Variants in PTN observed in about 807,000 individuals in gnomAD.
The protein encoded by PTN is pleiotrophin, also known as heparin affin regulatory protein.
Under a neutral mutation model 24.1 loss-of-function variants are expected in PTN, and 18 were observed. The ratio of observed to expected loss-of-function variants is 0.75; its 90% CI spans 0.52 to 1.11. The LOEUF (loss-of-function observed/expected upper bound fraction) is 1.11, where lower values mean the gene tolerates loss of function less well. PTN is among the 50% of genes least tolerant of loss of function. The pLI, the probability that PTN is intolerant of heterozygous loss-of-function variation, is 0.00. For missense variants in PTN, 163 were observed against 198.8 expected (o/e 0.82, Z 1.08); for synonymous variants, 78 against 68.6 (o/e 1.14, Z -0.67).
intron 1 of PTN, among the ~76,000 whole-genome samples, chr7:137,293,778 G>A (rs969302110): frequency 6.6e-6 from 1 of 151,904 alleles, no homozygotes. Context: ...AACTTTCGTT[G>A]ACATGTCATC....
chr7:137,272,248 C>T (rs889204687), intron 1 of PTN, among the ~76,000 whole-genome samples: 2 of 152,200 alleles, frequency 1.3e-5, no homozygotes, highest in African/African-American at 4.8e-5. Context: ...AGGCACCTTT[C>T]AGTCTGTCTT....
At chr7:137,305,377 C>T (rs912090653) in intron 1 of PTN, among the ~76,000 whole-genome samples, 6 of 152,038 alleles carry the variant, frequency 3.9e-5, no homozygotes, top group Non-Finnish European at 8.8e-5. Context: ...CCACCATATG[C>T]TTCAGATCAA....
rs1009513978 is a variant in PTN, at chr7:137,301,951, T to C, written c.-2+41488A>G. On this transcript the variant is annotated intron_variant, in intron 1 of 4. Coordinates refer to ENST00000348225, the MANE Select transcript of PTN (RefSeq NM_002825.7). ...GTTAGTATATGTTCCTTAAGACTTC[T>C]AGTAACTGACTATTTTTGTTATTGT... Among the ~76,000 whole-genome samples, 32 of 147,584 alleles carry C rather than the reference T, an allele frequency of 2.2e-4. 1 individual carries two copies. Among genetic ancestry groups the C allele is most frequent in the African/African-American group, 7.8e-4 (32 of 40,904 alleles).
At position 137,313,144 on chromosome 7, in the gene PTN, A is replaced by T. The variant is rs144967194; in HGVS notation, c.-2+30295T>A. On this transcript the variant is annotated intron_variant, in intron 1 of 4. Coordinates refer to ENST00000348225, the MANE Select transcript of PTN (RefSeq NM_002825.7). ...GCCCTCACTCCCCACGTGTCTCCAG[A>T]GAGACATTTCACTGAGGGCCTTCTG... Among the ~76,000 whole-genome samples, 488 of 152,132 alleles carry T rather than the reference A, an allele frequency of 3.2e-3. 4 individuals are homozygous for T. The highest frequency in any genetic ancestry group is 0.011 in the African/African-American group (471 of 41,498).
intron 1 of PTN, among the ~76,000 whole-genome samples, chr7:137,272,547 G>A (rs1024754683): frequency 6.6e-6 from 1 of 152,140 alleles, no homozygotes; most frequent in Non-Finnish European, 1.5e-5. Flanking sequence ...GAATGTGCAC[G>A]TGGCATATTA....
intron 1 of PTN, chr7:137,325,254 T>C (rs1308764360): frequency 1.3e-5 from 2 of 152,192 alleles, no homozygotes; most frequent in Non-Finnish European, 2.9e-5. Context: ...ATTAAATTAA[T>C]TAAATTGGGG....
At chr7:137,275,683 G>A (rs72611541) in intron 1 of PTN, among the ~76,000 whole-genome samples, 14,768 of 118,458 alleles carry the variant, frequency 0.12, 947 homozygotes, top group South Asian at 0.39. Flanking sequence ...ACTGAATTAG[G>A]TTCTGAAGGC....
intron 4 of PTN, among the ~76,000 whole-genome samples, chr7:137,233,120 T>C (rs1012390221): frequency 2.6e-5 from 4 of 151,980 alleles, no homozygotes; most frequent in East Asian, 1.9e-4. Context: ...TGTGTTTTTT[T>C]CTATGCTGAA....
At chr7:137,318,141 G>T (rs981132254) in intron 1 of PTN, among the ~76,000 whole-genome samples, 1 of 152,184 alleles carries the variant, frequency 6.6e-6, no homozygotes, top group African/African-American at 2.4e-5. Flanking sequence ...GGCGGCACAT[G>T]CCTGTAATCC....
At chr7:137,249,474 C>G (rs193091967) in intron 4 of PTN, among the ~76,000 whole-genome samples, 1 of 152,126 alleles carries the variant, frequency 6.6e-6, no homozygotes, top group Non-Finnish European at 1.5e-5. Context: ...GGGAGTTTTG[C>G]AAGTTCCCAC....
intron 1 of PTN, chr7:137,325,249 A>G (rs1211899328): frequency 1.3e-5 from 2 of 152,194 alleles, no homozygotes; most frequent in Non-Finnish European, 2.9e-5. Context: ...TGATAATTAA[A>G]TTAATTAAAT....
intron 1 of PTN, among the ~76,000 whole-genome samples, chr7:137,264,443 A>G (rs1197898605): frequency 2.6e-5 from 4 of 152,180 alleles, no homozygotes. Context: ...TGCTTCGGCC[A>G]TGAGTGGACC....
intron 1 of PTN, among the ~76,000 whole-genome samples, chr7:137,305,918 A>G (rs1731954): frequency 0.34 from 51,782 of 151,976 alleles, 10,528 homozygotes; most frequent in Admixed American, 0.53. Flanking sequence ...CACTATAATA[A>G]GAAGGAAACT....
intron 1 of PTN, among the ~76,000 whole-genome samples, chr7:137,304,405 C>T (rs1268797158): frequency 2.0e-5 from 3 of 151,858 alleles, no homozygotes; most frequent in Admixed American, 2.0e-4. Context: ...AAAATGGGAG[C>T]AGGCAAAGTC....
chr7:137,317,930 A>T (rs1378764590), intron 1 of PTN, among the ~76,000 whole-genome samples: 1 of 152,152 alleles, frequency 6.6e-6, no homozygotes, highest in Non-Finnish European at 1.5e-5. Context: ...AACAGGGCTG[A>T]AAGAAAATTT....
At chr7:137,302,450 A>G (rs1488897772) in intron 1 of PTN, among the ~76,000 whole-genome samples, 2 of 152,004 alleles carry the variant, frequency 1.3e-5, no homozygotes, top group Non-Finnish European at 2.9e-5. Flanking sequence ...CAATGAGAAA[A>G]AATCAGAAGG....
chr7:137,257,234 G>T (rs1475176518), intron 1 of PTN, among the ~76,000 whole-genome samples: 1 of 152,168 alleles, frequency 6.6e-6, no homozygotes, highest in Non-Finnish European at 1.5e-5. Context: ...TATAAGATAA[G>T]GTGCTTTGTT....
At chr7:137,260,367 A>C (rs2128872465) in intron 1 of PTN, among the ~76,000 whole-genome samples, 2 of 152,228 alleles carry the variant, frequency 1.3e-5, no homozygotes, top group African/African-American at 4.8e-5. Flanking sequence ...TTATTGTAAG[A>C]TTTTTCCAGT....
chr7:137,234,183 A>T (rs1808480381), intron 4 of PTN, among the ~76,000 whole-genome samples: 1 of 151,968 alleles, frequency 6.6e-6, no homozygotes, highest in Non-Finnish European at 1.5e-5. Flanking sequence ...GTGACCAAGT[A>T]ATATTCCTTT....
Sources: allele counts gnomAD v4.1 joint callset (sites outside exome capture counted in the v4.1 genomes callset), GRCh38; gene constraint gnomAD v4.1.1; transcripts MANE v1.5; gene names NCBI Gene and HGNC (gene_info 2026-07-23, HGNC 2026-07-21).